GPR19: variants seen among roughly 807,000 people sequenced by gnomAD.
GPR19 encodes the protein probable G protein-coupled receptor 19.
In GPR19, 14 loss-of-function variants were observed where a neutral mutation model predicts 28.5. The ratio of observed to expected loss-of-function variants is 0.49; its 90% CI spans 0.32 to 0.77. GPR19 has a LOEUF of 0.77. GPR19 is among the 30% of genes least tolerant of loss of function. The pLI is 0.03. For missense variants in GPR19, 409 were observed against 504.1 expected (o/e 0.81, Z 1.81); for synonymous variants, 173 against 184.1 (o/e 0.94, Z 0.49).
At position 12,662,357 on chromosome 12, in the gene GPR19, G is replaced by A. The variant is rs199747769; in HGVS notation, c.92C>T (p.Thr31Ile). ...GTATTGGCTTGGCAGAGGTGTGGCT[G>A]TTTCAGTGCAGCTGCGGTTTTGGAG... ...VPLQNRSCTE[T>I]ATPLPSQYLM... The change falls in exon 4 of 4, where the codon ACA (threonine) becomes ATA (isoleucine). Residue 31 changes from threonine (T) to isoleucine (I), a missense_variant. Physicochemically the swap from Thr to Ile is moderately conservative, Grantham distance 89. Coordinates refer to ENST00000651487, the MANE Select transcript of GPR19 (RefSeq NM_006143.3). 517 of 1,614,100 alleles carry A rather than the reference G, an allele frequency of 3.2e-4. 1 individual carries two copies. The highest frequency in any genetic ancestry group is 3.8e-4 in the Non-Finnish European group (450 of 1,180,052).
At chr12:12,694,843 C>T (rs1283173114) in intron 2 of GPR19, among the ~76,000 whole-genome samples, 2 of 152,208 alleles carry the variant, frequency 1.3e-5, no homozygotes, top group African/African-American at 4.8e-5. Context: ...CAGGCTTCAA[C>T]CCTGAAATCC....
In GPR19 at chr12:12,688,233, C is replaced by T. The variant is rs575961588; in HGVS notation, c.-179-3726G>A. ...AAATTTAGCGTTACTAATAGTGAGA[C>T]AAGCTGAAATTATGTGCCTAACATG... On this transcript the variant is annotated intron_variant, in intron 2 of 3. Transcript: ENST00000651487. 4.0e-4 allele frequency among the ~76,000 whole-genome samples: 61 copies of T among 152,218 alleles called. 1 individual carries two copies. In the South Asian group the frequency reaches 7.9e-3, roughly 20 times the overall value.
chr12:12,705,115 C>CTTTTTTTT, the GPR19 span, among the ~76,000 whole-genome samples: 1 of 136,622 alleles, frequency 7.3e-6, no homozygotes, highest in Non-Finnish European at 1.5e-5. Context: ...AGAAATGCAT[C>CTTTTTTTT]TTTTTTTTTT....
At chr12:12,688,184 G>C (rs745376355) in intron 2 of GPR19, among the ~76,000 whole-genome samples, 1 of 151,956 alleles carries the variant, frequency 6.6e-6, no homozygotes, top group Non-Finnish European at 1.5e-5. Flanking sequence ...TGGGAGGGGG[G>C]GTCATCATCT....
At chr12:12,706,040 T>C in the GPR19 span, among the ~76,000 whole-genome samples, 45 of 152,296 alleles carry the variant, frequency 3.0e-4, no homozygotes, top group African/African-American at 9.4e-4. Flanking sequence ...TCAGAACCCA[T>C]CTACCCTCTG....
upstream of GPR19, among the ~76,000 whole-genome samples, chr12:12,697,811 A>C (rs1946288737): frequency 6.6e-6 from 1 of 152,210 alleles, no homozygotes; most frequent in South Asian, 2.1e-4. Flanking sequence ...CAGCAGCTTG[A>C]ATACCTTTTA....
intron 3 of GPR19, among the ~76,000 whole-genome samples, chr12:12,677,531 C>G (rs12708366): frequency 0.59 from 89,525 of 151,788 alleles, 26,986 homozygotes; most frequent in South Asian, 0.68. Flanking sequence ...CCCGCCTTGG[C>G]CTCCCAAAGT....
chr12:12,663,069 G>A (rs1191625212), intron 3 of GPR19, among the ~76,000 whole-genome samples: 1 of 152,190 alleles, frequency 6.6e-6, no homozygotes, highest in Non-Finnish European at 1.5e-5. Context: ...ACTGCTACAT[G>A]AGCCAGAAAT....
intron 3 of GPR19, among the ~76,000 whole-genome samples, chr12:12,664,171 G>A (rs767466797): frequency 1.3e-5 from 2 of 151,990 alleles, no homozygotes; most frequent in Non-Finnish European, 2.9e-5. Context: ...TGTATTTTTA[G>A]TAGAGACCGG....
upstream of GPR19, among the ~76,000 whole-genome samples, chr12:12,696,660 C>T (rs1813922851): frequency 6.6e-6 from 1 of 152,232 alleles, no homozygotes; most frequent in Non-Finnish European, 1.5e-5. Flanking sequence ...TTGGCGGCTA[C>T]CCAGGTTACC....
chr12:12,686,645 C>G (rs1280141437), intron 2 of GPR19, among the ~76,000 whole-genome samples: 1 of 152,200 alleles, frequency 6.6e-6, no homozygotes, highest in Non-Finnish European at 1.5e-5. Flanking sequence ...GTGCCCAAAG[C>G]TGCATAGTGT....
chr12:12,665,834 A>AAAAAG (rs1178515500), intron 3 of GPR19, among the ~76,000 whole-genome samples: 1 of 147,076 alleles, frequency 6.8e-6, no homozygotes, highest in Middle Eastern at 3.2e-3. Context: ...AAAAAAAAAA[A>AAAAAG]AAAAAAAAAA....
rs1209502039 is a variant in GPR19 at position 12,661,788 on chromosome 12, T to A, written c.661A>T (p.Thr221Ser). The stretch of plus-strand genomic sequence containing the variant: ...AAGAAGTGGATGACAGTGTAGGCAG[T>A]GCCTTCCCAAGAGGAGGGGAGGAAA... The part of the protein sequence containing the change: ...NYFLPSSWEG[T>S]AYTVIHFLVG... Residue 221 changes from threonine (T) to serine (S), a missense_variant, in exon 4 of 4, where the codon ACT becomes TCT. Transcript: ENST00000651487. This position sits in a 1 kb window ranked among gnomAD's most constrained non-coding sequence, Gnocchi z 4.2. The A allele has an allele frequency of 6.2e-7, 1 of 1,613,204 alleles. No individual in the cohort carries two copies. Among genetic ancestry groups the A allele is most frequent in the Admixed American group, 1.7e-5 (1 of 59,942 alleles).
the GPR19 span, among the ~76,000 whole-genome samples, chr12:12,716,161 GAA>G: frequency 1.3e-5 from 2 of 152,196 alleles, no homozygotes; most frequent in Non-Finnish European, 2.9e-5. Context: ...CACTGAGAGA[GAA>G]ATTTCCAGCT....
chr12:12,711,098 A>G, the GPR19 span, among the ~76,000 whole-genome samples: 2 of 151,978 alleles, frequency 1.3e-5, no homozygotes, highest in African/African-American at 4.8e-5. Flanking sequence ...TATTGAGACC[A>G]TCCTGGCCAA....
At chr12:12,695,734 A>C (rs1480460406) in intron 1 of GPR19, among the ~76,000 whole-genome samples, 1 of 152,196 alleles carries the variant, frequency 6.6e-6, no homozygotes, top group Non-Finnish European at 1.5e-5. Flanking sequence ...ACAAACATGC[A>C]TAAGTTCACA....
intron 3 of GPR19, among the ~76,000 whole-genome samples, chr12:12,683,111 T>A (rs1032565297): frequency 6.6e-6 from 1 of 152,160 alleles, no homozygotes; most frequent in Non-Finnish European, 1.5e-5. Context: ...TTCGATTTTT[T>A]AAAAAACCCA....
chr12:12,702,909 T>G, the GPR19 span, among the ~76,000 whole-genome samples: 45 of 152,358 alleles, frequency 3.0e-4, no homozygotes, highest in African/African-American at 1.1e-3. Flanking sequence ...ACTGATAAAC[T>G]GAACTTGGAT....
the GPR19 span, among the ~76,000 whole-genome samples, chr12:12,713,268 T>C: frequency 4.5e-4 from 68 of 152,182 alleles, no homozygotes; most frequent in African/African-American, 1.5e-3. Context: ...TTTCACCATG[T>C]TGGCCAGGCT....
Sources: allele counts gnomAD v4.1 joint callset (sites outside exome capture counted in the v4.1 genomes callset), GRCh38; gene constraint gnomAD v4.1.1; non-coding constraint Gnocchi (gnomAD v3.1); transcripts MANE v1.5; gene names NCBI Gene and HGNC (gene_info 2026-07-23, HGNC 2026-07-21).